SNTG2: variants seen among roughly 807,000 people sequenced by gnomAD.
The protein encoded by SNTG2 is gamma-2-syntrophin.
Under a neutral mutation model 70.9 loss-of-function variants are expected in SNTG2, and 74 were observed. The observed-to-expected ratio is 1.04, with a 90% CI of 0.86 to 1.27. SNTG2 has a LOEUF of 1.27. Among genes scored for constraint, SNTG2 ranks in the 50% most tolerant of loss-of-function variants. The pLI is 0.00. For missense variants in SNTG2, 717 were observed against 690.7 expected (o/e 1.04, Z -0.43); for synonymous variants, 278 against 273.8 (o/e 1.02, Z -0.15).
At chr2:1,328,990 C>G (rs1681877947) in intron 16 of SNTG2, among the ~76,000 whole-genome samples, 1 of 152,128 alleles carries the variant, frequency 6.6e-6, no homozygotes, top group African/African-American at 2.4e-5. Flanking sequence ...CACCCACACA[C>G]TTAATACTAG....
At chr2:1,133,002 C>T (rs1411965787) in intron 4 of SNTG2, among the ~76,000 whole-genome samples, 3 of 152,220 alleles carry the variant, frequency 2.0e-5, no homozygotes, top group African/African-American at 4.8e-5. Context: ...CTTTGCCCTA[C>T]ATTCTCTGCT....
chr2:1,143,938 T>A (rs1165185341), intron 6 of SNTG2, among the ~76,000 whole-genome samples: 2 of 128,884 alleles, frequency 1.6e-5, no homozygotes, highest in Non-Finnish European at 3.2e-5. Context: ...AACTGTCAGT[T>A]CTTAAGAGGA....
intron 1 of SNTG2, among the ~76,000 whole-genome samples, chr2:1,018,374 T>C (rs1659978433): frequency 6.6e-6 from 1 of 152,158 alleles, no homozygotes; most frequent in Admixed American, 6.5e-5. Flanking sequence ...AGCTGCTGCT[T>C]CTGAAAGATG....
At chr2:1,362,105 G>C (rs1661196520) in intron 16 of SNTG2, among the ~76,000 whole-genome samples, 1 of 152,108 alleles carries the variant, frequency 6.6e-6, no homozygotes, top group Non-Finnish European at 1.5e-5. Context: ...TTCCATGAAA[G>C]TCACTGATGC....
At chr2:1,247,170 A>G (rs941270046) in intron 11 of SNTG2, among the ~76,000 whole-genome samples, 157 bp from the exon 12 acceptor site, 4 of 152,202 alleles carry the variant, frequency 2.6e-5, no homozygotes, top group Non-Finnish European at 5.9e-5. Context: ...TATTGTGTGA[A>G]CTTGATTTGG....
At chr2:960,567 A>G (rs4246559) in intron 1 of SNTG2, among the ~76,000 whole-genome samples, 14,727 of 150,476 alleles carry the variant, frequency 0.098, 956 homozygotes, top group Admixed American at 0.21. Context: ...GCACGGCTAT[A>G]GGTTCTGAAG....
chr2:1,073,808 A>G (rs1189140588), intron 1 of SNTG2, among the ~76,000 whole-genome samples: 2 of 152,256 alleles, frequency 1.3e-5, no homozygotes, highest in African/African-American at 4.8e-5. Flanking sequence ...AAGTTGCATG[A>G]TGAAAACTTT....
intron 7 of SNTG2, among the ~76,000 whole-genome samples, chr2:1,172,146 A>T (rs539418792): frequency 6.6e-6 from 1 of 152,194 alleles, no homozygotes; most frequent in African/African-American, 2.4e-5. Flanking sequence ...GTGATGATTG[A>T]TGGCTGGCTG....
intron 9 of SNTG2, among the ~76,000 whole-genome samples, chr2:1,219,141 C>A (rs897770741): frequency 2.6e-5 from 4 of 152,206 alleles, no homozygotes; most frequent in Admixed American, 1.3e-4. Context: ...TCATGAGAAC[C>A]AGCTGTTAAA....
chr2:1,242,434 G>GCATA lies in SNTG2; in HGVS notation c.888+2659_888+2662dup, dbSNP rs1158871783. On this transcript the variant is annotated intron_variant, in intron 11 of 16. Transcript: ENST00000308624. ...CAGAATTAGGAGAATACTACAAAAA[G>GCATA]CATAATGTATGCATTTTTAGACTCT... Among the ~76,000 whole-genome samples the GCATA allele has an allele frequency of 7.9e-5, 12 of 152,212 alleles. 1 individual carries two copies. The highest frequency in any genetic ancestry group is 2.9e-4 in the African/African-American group (12 of 41,528).
At chr2:983,556 C>T (rs1042319608) in intron 1 of SNTG2, among the ~76,000 whole-genome samples, 4 of 152,238 alleles carry the variant, frequency 2.6e-5, no homozygotes, top group Non-Finnish European at 5.9e-5. Context: ...GAAATAGTCA[C>T]TCTCCGCCCT....
chr2:1,084,644 G>T (rs1408549148), intron 2 of SNTG2, among the ~76,000 whole-genome samples: 1 of 152,178 alleles, frequency 6.6e-6, no homozygotes, highest in Non-Finnish European at 1.5e-5. Flanking sequence ...TTGAGTTGCT[G>T]TAACAAAATC....
chr2:988,449 T>G (rs561619391), intron 1 of SNTG2, among the ~76,000 whole-genome samples: 119 of 152,334 alleles, frequency 7.8e-4, no homozygotes, highest in Middle Eastern at 3.4e-3. Flanking sequence ...TTTTTTGGCT[T>G]CTTTTTTCAG....
intron 9 of SNTG2, among the ~76,000 whole-genome samples, chr2:1,228,891 T>A (rs1037743115): frequency 5.9e-5 from 9 of 152,114 alleles, no homozygotes; most frequent in African/African-American, 1.9e-4. Context: ...TTCTGGTGGG[T>A]TCGTGGTCTC....
intron 14 of SNTG2, among the ~76,000 whole-genome samples, chr2:1,283,322 T>C (rs1268765428): frequency 6.6e-6 from 1 of 152,170 alleles, no homozygotes; most frequent in Non-Finnish European, 1.5e-5. Flanking sequence ...ATCCGGCTGC[T>C]TGGGACCGGG....
At chr2:1,176,670 G>T in intron 8 of SNTG2, among the ~76,000 whole-genome samples, 1 of 151,782 alleles carries the variant, frequency 6.6e-6, no homozygotes, top group African/African-American at 2.4e-5. Context: ...AACATTAAAT[G>T]TGGGCAAAGG....
chr2:1,155,654 G>A (rs531146658), intron 6 of SNTG2, among the ~76,000 whole-genome samples: 8 of 152,204 alleles, frequency 5.3e-5, no homozygotes, highest in Non-Finnish European at 1.2e-4. Flanking sequence ...ACGGCCACCT[G>A]CAAGTGCCTC....
At chr2:1,366,276 A>C (rs1661477969) in intron 16 of SNTG2, among the ~76,000 whole-genome samples, 1 of 152,166 alleles carries the variant, frequency 6.6e-6, no homozygotes, top group South Asian at 2.1e-4. Context: ...CTACCAATAG[A>C]ATGGGGGTGG....
intron 14 of SNTG2, among the ~76,000 whole-genome samples, chr2:1,295,563 G>A (rs1286279755): frequency 6.6e-6 from 1 of 152,240 alleles, no homozygotes; most frequent in African/African-American, 2.4e-5. Context: ...AGAGGACTGA[G>A]TCTCCAATGT....
Sources: allele counts gnomAD v4.1 joint callset (sites outside exome capture counted in the v4.1 genomes callset), GRCh38; gene constraint gnomAD v4.1.1; transcripts MANE v1.5; gene names NCBI Gene and HGNC (gene_info 2026-07-23, HGNC 2026-07-21).